Variants in PRTG observed in about 807,000 individuals in gnomAD.
PRTG encodes protogenin, also known as immunoglobulin superfamily, DCC subclass, member 5.
PRTG carries 67 observed loss-of-function variants against 122.5 expected under a neutral mutation model. The ratio of observed to expected loss-of-function variants is 0.55; its 90% CI spans 0.45 to 0.67. The LOEUF is 0.67. PRTG is among the 30% of genes least tolerant of loss of function. The pLI, the probability that PRTG is intolerant of heterozygous loss-of-function variation, is 0.00. For synonymous variants in PRTG, 554 were observed against 501.1 expected, an observed-to-expected ratio of 1.11 and a Z score of -1.41; for missense variants, 1,435 against 1,415.4, an observed-to-expected ratio of 1.01 and a Z score of -0.22.
At chr15:55,645,691 A>G (rs1244676275) in intron 11 of PRTG, among the ~76,000 whole-genome samples, 1 of 152,108 alleles carries the variant, frequency 6.6e-6, no homozygotes, top group Non-Finnish European at 1.5e-5. Context: ...AAGACCCTCC[A>G]ACGCCTATGG....
chr15:55,665,628 C>T (rs2059435600), intron 11 of PRTG, among the ~76,000 whole-genome samples: 1 of 151,530 alleles, frequency 6.6e-6, no homozygotes, highest in South Asian at 2.1e-4. Context: ...TCACTGCAAC[C>T]TCTAGCTTCC....
At chr15:55,637,408 T>C (rs1007249238) in intron 14 of PRTG, 68 bp from the exon 15 acceptor site, 30 of 1,337,452 alleles carry the variant, frequency 2.2e-5, no homozygotes, top group Non-Finnish European at 2.8e-5. Context: ...AATACCTGGC[T>C]TATAGGCTTA....
intron 18 of PRTG, among the ~76,000 whole-genome samples, chr15:55,623,123 G>T (rs995438645): frequency 7.9e-5 from 12 of 152,030 alleles, no homozygotes; most frequent in Non-Finnish European, 1.6e-4. Context: ...CTAAATTTTA[G>T]GAAAGGATAA....
chr15:55,728,158 G>A (rs2141879155), intron 2 of PRTG, among the ~76,000 whole-genome samples: 1 of 152,150 alleles, frequency 6.6e-6, no homozygotes, highest in East Asian at 1.9e-4. Context: ...GACCCACTGT[G>A]CCTGGCCTCC....
intron 2 of PRTG, among the ~76,000 whole-genome samples, chr15:55,704,663 C>T (rs1423494883): frequency 1.3e-5 from 2 of 152,118 alleles, no homozygotes; most frequent in Non-Finnish European, 2.9e-5. Flanking sequence ...TTACTAAATG[C>T]CTGTTATGCC....
chr15:55,724,131 T>C (rs1361772629), intron 2 of PRTG, among the ~76,000 whole-genome samples: 1 of 152,186 alleles, frequency 6.6e-6, no homozygotes, highest in Admixed American at 6.5e-5. Flanking sequence ...TTATGTGCAC[T>C]AGAGGACAAT....
chr15:55,653,744 G>A (rs193243189), intron 11 of PRTG, among the ~76,000 whole-genome samples: 20 of 152,266 alleles, frequency 1.3e-4, no homozygotes, highest in African/African-American at 4.1e-4. Context: ...GATTATAGGC[G>A]TCAGCCACTG....
intron 11 of PRTG, among the ~76,000 whole-genome samples, chr15:55,643,088 A>G (rs1018712044): frequency 6.6e-6 from 1 of 152,142 alleles, no homozygotes; most frequent in African/African-American, 2.4e-5. Context: ...TAAACTAACT[A>G]AATAAAATTC....
Position 55,712,539 on chromosome 15 carries a change from T to C in PRTG, c.397+27843A>G, listed in dbSNP as rs1238871156. ...TTGATCACTAAGACAACCAAAATAA[T>C]GGTGCATGATCTGGTTATTATAATT... On this transcript the variant is annotated intron_variant, in intron 2 of 19. Coordinates refer to ENST00000389286, the MANE Select transcript of PRTG (RefSeq NM_173814.6). Among the ~76,000 whole-genome samples the C allele has an allele frequency of 3.3e-5, 5 of 152,144 alleles. 1 individual carries two copies. Among genetic ancestry groups the C allele is most frequent in the South Asian group, 4.1e-4 (2 of 4,834 alleles).
At chr15:55,742,601 T>G in intron 1 of PRTG, 1 of 488,596 alleles carries the variant, frequency 2.0e-6, no homozygotes, top group East Asian at 3.7e-5. Context: ...CGGAGGGGCG[T>G]GCGCCCGGAG....
Position 55,677,940 on chromosome 15 carries a change from A to T in PRTG, c.1238T>A (p.Val413Glu). ...AGCACTGGGTCTGTCTTCTGACATC[A>T]CTACAGTCAGTCTGGCTCTAGATAA... ...SILSRARLTV[V>E]MSEDRPSAPY... is the part of the protein sequence containing the mutation. The change falls in exon 8 of 20, where the codon GTG becomes GAG. Residue 413 changes from valine to glutamate, a missense_variant. Transcript: ENST00000389286. The T allele has an allele frequency of 6.2e-7, 1 of 1,613,750 alleles. No homozygotes were observed.
At position 55,613,149 on chromosome 15, in the gene PRTG, C is replaced by T. The variant is rs905902044; in HGVS notation, c.*6863G>A. ...ACAGTTTAAGAATTTTTGTACCAAA[C>T]GATTCTCAAAATTGTCAAGATTAGA... On this transcript the variant is annotated 3_prime_UTR_variant, in exon 20 of 20. Coordinates refer to ENST00000389286, the MANE Select transcript of PRTG (RefSeq NM_173814.6). The T allele has an allele frequency of 6.6e-6, 1 of 151,984 alleles. No individual in the cohort carries two copies. Among genetic ancestry groups the T allele is most frequent in the Non-Finnish European group, 1.5e-5 (1 of 67,940 alleles). 9.4% of individuals were successfully genotyped at this position (151,984 alleles called of 1,614,324 possible). A position where few individuals can be genotyped will look rare whatever the true frequency, so the allele number is the denominator to read the frequency against.
chr15:55,629,367 ATATATATATGTGTGTGTGTGTGTGTG>A (rs1284164791), intron 15 of PRTG, among the ~76,000 whole-genome samples: 41 of 130,162 alleles, frequency 3.1e-4, no homozygotes, highest in East Asian at 8.2e-4. Flanking sequence ...TTGTATATAT[ATATATATATGTGTGTGTGTGTGTGTG>A]TGTGTGTGTG....
chr15:55,714,923 T>G (rs1322297407), intron 2 of PRTG, among the ~76,000 whole-genome samples: 1 of 152,128 alleles, frequency 6.6e-6, no homozygotes, highest in Non-Finnish European at 1.5e-5. Context: ...CTTAGCAGAG[T>G]TTTATATACA....
intron 2 of PRTG, among the ~76,000 whole-genome samples, chr15:55,716,118 A>C (rs1284358703): frequency 1.3e-5 from 2 of 152,170 alleles, no homozygotes; most frequent in Admixed American, 1.3e-4. Context: ...GGCACGCGCC[A>C]CCTGCTCAGG....
rs775395948 is a variant in PRTG at position 55,684,663 on chromosome 15, A to G, written c.398-732T>C. Reference sequence around the variant, plus strand: ...AAAGGAGTCTCAAGTCAAAAGTCCAATAGGCTATTAAATAGGGATTACAGA... The same window carrying G: ...AAAGGAGTCTCAAGTCAAAAGTCCAGTAGGCTATTAAATAGGGATTACAGA... On this transcript the variant is annotated intron_variant, in intron 2 of 19. Transcript: ENST00000389286. 2.6e-5 allele frequency among the ~76,000 whole-genome samples: 4 copies of G among 151,358 alleles called. No individual in the cohort carries two copies. The Admixed American group carries it at 2.6e-4, about 10-fold the overall frequency.
chr15:55,718,563 CTT>C (rs1160976592), intron 2 of PRTG, among the ~76,000 whole-genome samples: 1 of 151,560 alleles, frequency 6.6e-6, no homozygotes, highest in Non-Finnish European at 1.5e-5. Context: ...TTCGCTGACT[CTT>C]TTCAGACTCA....
intron 2 of PRTG, among the ~76,000 whole-genome samples, chr15:55,708,149 A>T (rs1360471971): frequency 1.8e-4 from 3 of 16,806 alleles, no homozygotes; most frequent in Non-Finnish European, 3.3e-4. Context: ...GTAAGCTGGT[A>T]AAAAAAAAAA....
chr15:55,641,827 C>T (rs959654003), intron 11 of PRTG, among the ~76,000 whole-genome samples: 1 of 152,082 alleles, frequency 6.6e-6, no homozygotes, highest in Non-Finnish European at 1.5e-5. Flanking sequence ...TTAACTATCA[C>T]GATACTAAAA....
Sources: allele counts gnomAD v4.1 joint callset (sites outside exome capture counted in the v4.1 genomes callset), GRCh38; gene constraint gnomAD v4.1.1; transcripts MANE v1.5; gene names NCBI Gene and HGNC (gene_info 2026-07-23, HGNC 2026-07-21).